Variants in TTC13 observed in about 807,000 individuals in gnomAD.
TTC13 encodes tetratricopeptide repeat protein 13.
Under a neutral mutation model 120.0 loss-of-function variants are expected in TTC13, and 62 were observed. The ratio of observed to expected loss-of-function variants is 0.52; its 90% CI spans 0.42 to 0.64. The LOEUF (loss-of-function observed/expected upper bound fraction) is 0.64, where lower values mean the gene tolerates loss of function less well. Ranked by LOEUF, TTC13 falls within the 30% of genes least tolerant of loss-of-function variation. The pLI, the probability that TTC13 is intolerant of heterozygous loss-of-function variation, is 0.00. For missense variants in TTC13, 824 were observed against 1,050.2 expected, an observed-to-expected ratio of 0.78 and a Z score of 2.98; for synonymous variants, 384 against 393.5, an observed-to-expected ratio of 0.98 and a Z score of 0.28.
chr1:230,909,825 G>A (rs1572167080), intron 20 of TTC13, among the ~76,000 whole-genome samples: 1 of 152,286 alleles, frequency 6.6e-6, no homozygotes, highest in East Asian at 1.9e-4. Flanking sequence ...CTGCTGGCTC[G>A]GAGGCTCGTG....
intron 4 of TTC13, among the ~76,000 whole-genome samples, chr1:230,946,003 C>T (rs1265370055): frequency 6.6e-6 from 1 of 152,188 alleles, no homozygotes; most frequent in African/African-American, 2.4e-5. Context: ...AAAAACCAGA[C>T]TCTTTTTGCA....
Position 230,925,551 on chromosome 1 carries a change from T to G in TTC13, c.1554A>C (p.Thr518=). 1 of 1,614,136 alleles carries G rather than the reference T, an allele frequency of 6.2e-7. No homozygotes were observed. Among genetic ancestry groups the G allele is most frequent in the South Asian group, 1.1e-5 (1 of 91,078 alleles). The change falls in exon 13 of 23, where the codon ACA becomes ACC. Residue 518 remains threonine, a synonymous_variant. Transcript: ENST00000366661. The stretch of plus-strand genomic sequence containing the variant: ...TTCTCTTGTTTGGCAGGAAACCAGG[T>G]GTTTCATATTGCATCAGGGATCCCA... ...DRLGSLMQYE[T]PGFLPNKRIH... is the part of the protein sequence containing the mutation.
Position 230,956,765 on chromosome 1 carries a change from T to C in TTC13, c.442+1459A>G, listed in dbSNP as rs1446041237. Among the ~76,000 whole-genome samples, 4 of 152,214 alleles carry C rather than the reference T, an allele frequency of 2.6e-5. No homozygotes were observed. In the East Asian group the frequency reaches 7.7e-4, roughly 29 times the overall value. ...GCAGAAGTATCCATTCATAAAAGAATAATCATAACCCAAATCTTGTGCAAA... is the reference window on the plus strand; with the variant it reads ...GCAGAAGTATCCATTCATAAAAGAACAATCATAACCCAAATCTTGTGCAAA... On this transcript the variant is annotated intron_variant, in intron 3 of 22. Transcript: ENST00000366661.
chr1:230,978,580 T>G lies in TTC13; in HGVS notation c.251A>C (p.Gln84Pro). 7.6e-7 allele frequency: 1 copy of G among 1,319,166 alleles called. No individual in the cohort carries two copies. The highest frequency in any genetic ancestry group is 1.0e-6 in the Non-Finnish European group (1 of 990,788). The allele number at this position is 1,319,166 out of a possible 1,614,324, so 81.7% of individuals were successfully genotyped here. A position where few individuals can be genotyped will look rare whatever the true frequency, so the allele number is the denominator to read the frequency against. ...CSPQSGDWGDQYSAECGESSF... is the reference protein window; with the variant it reads ...CSPQSGDWGDPYSAECGESSF... Reference sequence around the variant, plus strand: ...CTCACCGCCGCACTCGGCAGAGTACTGGTCCCCCCAGTCCCCGGACTGCGG... The same window carrying G: ...CTCACCGCCGCACTCGGCAGAGTACGGGTCCCCCCAGTCCCCGGACTGCGG... The change falls in exon 1 of 23, where the codon CAG (glutamine) becomes CCG (proline). Residue 84 changes from glutamine (Q) to proline (P), a missense_variant. This residue lies in a region of TTC13 where 160 missense variants were observed against 137.2 expected (regional missense o/e 1.17). Coordinates refer to ENST00000366661, the MANE Select transcript of TTC13 (RefSeq NM_024525.5). The surrounding 1 kb of genome is among the most constrained non-coding windows in gnomAD (Gnocchi z 5.6).
At chr1:230,968,165 A>G (rs1380620075) in intron 1 of TTC13, among the ~76,000 whole-genome samples, 9 of 121,696 alleles carry the variant, frequency 7.4e-5, no homozygotes, top group African/African-American at 2.8e-4. Context: ...TCACTTAAGA[A>G]TTTGTTTTCC....
In TTC13 at chr1:230,943,869, G is replaced by T; in HGVS notation, c.609C>A (p.Phe203Leu). 1 of 1,611,166 alleles carries T rather than the reference G, an allele frequency of 6.2e-7. No homozygotes were observed. Among genetic ancestry groups the T allele is most frequent in the South Asian group, 1.1e-5 (1 of 90,760 alleles). The change falls in exon 6 of 23, where the codon TTC becomes TTA. Residue 203 changes from phenylalanine (F) to leucine (L), a missense_variant. Transcript: ENST00000366661. ...CCAAGGTAATTACTCGGCTCAGTTC[G>T]AACAGAGCAAGCTCAGCATTCTTAA... ...HDIKNAELAL[F>L]ELSRVITLEP...
chr1:230,943,702 A>G, intron 6 of TTC13, 104 bp downstream of exon 6: 1 of 843,418 alleles, frequency 1.2e-6, no homozygotes. Context: ...AAAACATAAG[A>G]GTTTTAAGGG....
intron 1 of TTC13, among the ~76,000 whole-genome samples, chr1:230,974,076 CAA>C (rs56139200): frequency 2.7e-4 from 28 of 103,630 alleles, no homozygotes; most frequent in Admixed American, 3.0e-4. Flanking sequence ...TACTCCATCT[CAA>C]AAAAAAAAAA....
intron 9 of TTC13, among the ~76,000 whole-genome samples, 193 bp from the exon 10 acceptor site, chr1:230,932,070 A>G: frequency 6.6e-6 from 1 of 152,296 alleles, no homozygotes; most frequent in Non-Finnish European, 1.5e-5. Flanking sequence ...TAGGATAACC[A>G]CAGAGCTCTT....
intron 13 of TTC13, 82 bp from the exon 14 acceptor site, chr1:230,925,055 C>T (rs2102808683): frequency 1.9e-6 from 3 of 1,554,404 alleles, no homozygotes. Context: ...TCAGTGATAA[C>T]TCAAGAGTTA....
intron 1 of TTC13, among the ~76,000 whole-genome samples, chr1:230,966,647 T>G (rs1677155682): frequency 6.6e-6 from 1 of 152,136 alleles, no homozygotes; most frequent in African/African-American, 2.4e-5. Flanking sequence ...GCAATCAAAG[T>G]ACACAAAGAA....
Position 230,907,011 on chromosome 1 carries a change from G to A in TTC13, c.2477C>T (p.Pro826Leu). 7.4e-6 allele frequency: 11 copies of A among 1,492,228 alleles called. No individual in the cohort carries two copies. Among genetic ancestry groups the A allele is most frequent in the Non-Finnish European group, 9.8e-6 (11 of 1,120,378 alleles). The allele number at this position is 1,492,228 out of a possible 1,614,324, so 92.4% of individuals were successfully genotyped here. Residue 826 changes from proline to leucine, a missense_variant, in exon 23 of 23, where the codon CCT (proline) becomes CTT (leucine). Around this residue, in one of 4 missense-constraint regions of TTC13, gnomAD observed 226 missense variants for 259.1 expected, o/e 0.87. Transcript: ENST00000366661. ...KSWMNLKSISPSYKTLPSVSE... is the reference protein window; with the variant it reads ...KSWMNLKSISLSYKTLPSVSE... ...TACTGATGGAAGAGTCTTATAAGAA[G>A]GTGAAATACTGAAAAAGAAAAACAC...
Position 230,911,460 on chromosome 1 carries a change from T to C in TTC13, c.2309+10A>G, listed in dbSNP as rs754863770. The C allele has an allele frequency of 2.6e-6, 4 of 1,552,376 alleles. No individual in the cohort carries two copies. In the South Asian group the frequency reaches 4.7e-5, roughly 18 times the overall value. On this transcript the variant is annotated intron_variant, in intron 20 of 22. Coordinates refer to ENST00000366661, the MANE Select transcript of TTC13 (RefSeq NM_024525.5). The stretch of plus-strand genomic sequence containing the variant: ...ATTTAAAATAATTTTAATGACAGGA[T>C]ATTACTTACCTGGATCCTCGAGAGA...
chr1:230,922,910 G>A lies in TTC13; in HGVS notation c.1814+931C>T, dbSNP rs188988355. Among the ~76,000 whole-genome samples the A allele has an allele frequency of 1.2e-3, 178 of 152,240 alleles. 1 individual carries two copies. The highest frequency in any genetic ancestry group is 4.0e-3 in the African/African-American group (167 of 41,548). ...CACTGGCTGATCTACGGTAGCCTTC[G>A]ATTAAAGTTAGTTGCTTGAGTCTAC... On this transcript the variant is annotated intron_variant, in intron 15 of 22. Transcript: ENST00000366661.
chr1:230,928,885 T>C (rs1401557140), intron 12 of TTC13, 52 bp downstream of exon 12: 4 of 1,599,658 alleles, frequency 2.5e-6, no homozygotes, highest in Admixed American at 1.7e-5. Flanking sequence ...GCCCAGCTTA[T>C]AGCTCAGTTT....
chr1:230,914,392 ATTTTC>A (rs778685282), intron 18 of TTC13, among the ~76,000 whole-genome samples: 485 of 103,858 alleles, frequency 4.7e-3, no homozygotes, highest in Non-Finnish European at 7.7e-3. Context: ...TTTCCTTATT[ATTTTC>A]TTTTTTTTTC....
intron 2 of TTC13, 138 bp downstream of exon 2, chr1:230,961,071 C>A: frequency 1.7e-6 from 1 of 600,762 alleles, no homozygotes; most frequent in South Asian, 2.1e-5. Flanking sequence ...GGCAAAATAC[C>A]AGACGACCTA....
chr1:230,970,354 G>A (rs756194268), intron 1 of TTC13, among the ~76,000 whole-genome samples: 6 of 152,246 alleles, frequency 3.9e-5, no homozygotes, highest in Non-Finnish European at 8.8e-5. Flanking sequence ...GAATTCTGCT[G>A]TAAAAGGAGG....
At position 230,911,567 on chromosome 1, in the gene TTC13, AG is replaced by A; in HGVS notation, c.2230-19del. Reference sequence around the variant, plus strand: ...TCAGCCTCCTAGAAAAAAAAGATACAGACTCATAAATACTATAAAGATTACA... The same window carrying A: ...TCAGCCTCCTAGAAAAAAAAGATACAACTCATAAATACTATAAAGATTACA... On this transcript the variant is annotated intron_variant, in intron 19 of 22. Transcript: ENST00000366661. The A allele has an allele frequency of 7.3e-7, 1 of 1,368,862 alleles. No homozygotes were observed. The highest frequency in any genetic ancestry group is 9.7e-7 in the Non-Finnish European group (1 of 1,035,054). The allele number at this position is 1,368,862 out of a possible 1,614,324, so 84.8% of individuals were successfully genotyped here. A position where few individuals can be genotyped will look rare whatever the true frequency, so the allele number is the denominator to read the frequency against.
Sources: gnomAD v4.1 joint callset for allele counts (sites outside exome capture counted in the v4.1 genomes callset) on GRCh38, gnomAD v4.1.1 for gene constraint, gnomAD v4.1.1 regional missense constraint, Gnocchi (gnomAD v3.1) non-coding constraint, MANE v1.5 for transcripts, NCBI Gene and HGNC (gene_info 2026-07-23, HGNC 2026-07-21) for gene names.